The following MALRD1 variants were observed in gnomAD, a reference collection of about 807,000 sequenced individuals.
The protein encoded by MALRD1 is MAM and LDL receptor class A domain containing 1.
A neutral mutation model predicts 242.1 loss-of-function variants in MALRD1; 247 were observed. The observed-to-expected ratio is 1.02, with a 90% confidence interval of 0.92 to 1.13. The LOEUF (loss-of-function observed/expected upper bound fraction) is 1.13. MALRD1 is among the 50% of genes most tolerant of loss of function. MALRD1 has a pLI of 0.00. For missense variants in MALRD1, 2,989 were observed against 2,533.1 expected, an observed-to-expected ratio of 1.18 and a Z score of -3.86; for synonymous variants, 995 against 866.6, an observed-to-expected ratio of 1.15 and a Z score of -2.60.
At chr10:19,520,483 G>A (rs1833829952) in intron 31 of MALRD1, among the ~76,000 whole-genome samples, 1 of 152,062 alleles carries the variant, frequency 6.6e-6, no homozygotes, top group African/African-American at 2.4e-5. Context: ...AGAAATACAA[G>A]TATTCTACTC....
At chr10:19,487,800 C>A (rs1228448877) in intron 29 of MALRD1, among the ~76,000 whole-genome samples, 1 of 151,990 alleles carries the variant, frequency 6.6e-6, no homozygotes, top group African/African-American at 2.4e-5. Flanking sequence ...ATAATTGGAC[C>A]ATTTGCTGTT....
intron 31 of MALRD1, among the ~76,000 whole-genome samples, chr10:19,517,429 C>G (rs1833684123): frequency 6.6e-6 from 1 of 152,166 alleles, no homozygotes; most frequent in Admixed American, 6.5e-5. Context: ...AAAATACACA[C>G]AAGGAGGACC....
intron 14 of MALRD1, among the ~76,000 whole-genome samples, chr10:19,181,578 G>C (rs555571851): frequency 6.6e-6 from 1 of 152,076 alleles, no homozygotes; most frequent in Non-Finnish European, 1.5e-5. Context: ...TATGTAGATC[G>C]GAGGATACGA....
intron 25 of MALRD1, among the ~76,000 whole-genome samples, chr10:19,348,875 T>C (rs112135913): frequency 9.2e-5 from 14 of 152,330 alleles, no homozygotes; most frequent in African/African-American, 7.2e-5. Context: ...ATGCAGTCTG[T>C]AATTTCTGAA....
chr10:19,261,498 A>G (rs1412699853), intron 19 of MALRD1, among the ~76,000 whole-genome samples: 1 of 148,410 alleles, frequency 6.7e-6, no homozygotes, highest in South Asian at 2.1e-4. Context: ...TTTTTTTTTC[A>G]TAGCATCATG....
intron 29 of MALRD1, among the ~76,000 whole-genome samples, chr10:19,462,044 G>C (rs187848399): frequency 6.6e-6 from 1 of 152,286 alleles, no homozygotes; most frequent in African/African-American, 2.4e-5. Flanking sequence ...GGATACATTA[G>C]ACAAACATGC....
rs11009032 is a variant in MALRD1, at chr10:19,230,900, A to G, written c.2991+21220A>G. Among the ~76,000 whole-genome samples, 432 of 152,314 alleles carry G rather than the reference A, an allele frequency of 2.8e-3. 1 individual carries two copies. The highest frequency in any genetic ancestry group is 0.01 in the African/African-American group (418 of 41,564). ...TTTAATTTCTTTTGCTTAACCAAATAGATTATGTAGTTTTGATTAACTGGC... is the reference window on the plus strand; with the variant it reads ...TTTAATTTCTTTTGCTTAACCAAATGGATTATGTAGTTTTGATTAACTGGC... On this transcript the variant is annotated intron_variant, in intron 18 of 39. Coordinates refer to ENST00000454679, the MANE Select transcript of MALRD1 (RefSeq NM_001142308.3).
Position 19,323,817 on chromosome 10 carries a change from G to A in MALRD1, c.3420-132G>A. 4 of 708,972 alleles carry A rather than the reference G, an allele frequency of 5.6e-6. No homozygotes were observed. In the Admixed American group the frequency reaches 8.6e-5, roughly 15 times the overall value. The allele number at this position is 708,972 out of a possible 1,614,324, so 43.9% of individuals were successfully genotyped here. ...GTAGAGACGGTGTTTCATCATGGTAGCCAGGCTGGTCTCGAACTCCTGACT... is the reference window on the plus strand; with the variant it reads ...GTAGAGACGGTGTTTCATCATGGTAACCAGGCTGGTCTCGAACTCCTGACT... On this transcript the variant is annotated intron_variant, in intron 21 of 39. Transcript: ENST00000454679.
chr10:19,454,739 C>T (rs1314747678), intron 29 of MALRD1, among the ~76,000 whole-genome samples: 2 of 151,314 alleles, frequency 1.3e-5, no homozygotes, highest in African/African-American at 2.4e-5. Context: ...CACACACACA[C>T]ACACACACAC....
chr10:19,412,778 C>G (rs1833329459), intron 28 of MALRD1, among the ~76,000 whole-genome samples: 1 of 152,140 alleles, frequency 6.6e-6, no homozygotes, highest in Admixed American at 6.5e-5. Context: ...TGCTCCTGAG[C>G]TTGTGTCTTG....
intron 36 of MALRD1, among the ~76,000 whole-genome samples, chr10:19,644,313 C>T (rs1267453184): frequency 1.3e-5 from 2 of 152,176 alleles, no homozygotes; most frequent in South Asian, 2.1e-4. Flanking sequence ...TCTTCCTGAG[C>T]TCATTTTAGA....
At chr10:19,470,227 T>A (rs969161122) in intron 29 of MALRD1, among the ~76,000 whole-genome samples, 3 of 152,044 alleles carry the variant, frequency 2.0e-5, no homozygotes, top group Admixed American at 2.0e-4. Context: ...ATATTTCACT[T>A]AGCTAATACC....
chr10:19,137,067 AG>A (rs1246704089), intron 10 of MALRD1, among the ~76,000 whole-genome samples: 1 of 152,206 alleles, frequency 6.6e-6, no homozygotes, highest in African/African-American at 2.4e-5. Flanking sequence ...CTTTGATTAA[AG>A]AGAAGATGGG....
At position 19,131,695 on chromosome 10, in the gene MALRD1, A is replaced by G. The variant is rs185736715; in HGVS notation, c.1111-2161A>G. ...CCTTGATTTCTTCACTGGAAGAGAA[A>G]AGCATAGACTGGCATCTCTAAGAGA... On this transcript the variant is annotated intron_variant, in intron 8 of 39. Coordinates refer to ENST00000454679, the MANE Select transcript of MALRD1 (RefSeq NM_001142308.3). Among the ~76,000 whole-genome samples, 206 of 152,334 alleles carry G rather than the reference A, an allele frequency of 1.4e-3. 3 individuals are homozygous for G. The highest frequency in any genetic ancestry group is 0.01 in the Middle Eastern group (3 of 294).
intron 10 of MALRD1, among the ~76,000 whole-genome samples, chr10:19,140,218 T>A (rs966550778): frequency 6.6e-6 from 1 of 152,200 alleles, no homozygotes; most frequent in Admixed American, 6.5e-5. Context: ...TAAAATATTT[T>A]GCTTTTCATG....
intron 26 of MALRD1, among the ~76,000 whole-genome samples, chr10:19,381,346 T>C (rs1196696619): frequency 6.6e-6 from 1 of 151,746 alleles, no homozygotes; most frequent in Non-Finnish European, 1.5e-5. Context: ...TCTTTGCTAT[T>C]GTGAATAATG....
At chr10:19,531,003 T>C (rs7100242) in intron 31 of MALRD1, among the ~76,000 whole-genome samples, 191 bp from the exon 32 acceptor site, 106,494 of 152,156 alleles carry the variant, frequency 0.7, 40,682 homozygotes, top group Non-Finnish European at 0.84. Flanking sequence ...GTGAATCACA[T>C]GATCATAGTG....
At chr10:19,618,663 C>T (rs1839273381) in intron 36 of MALRD1, among the ~76,000 whole-genome samples, 1 of 152,192 alleles carries the variant, frequency 6.6e-6, no homozygotes. Context: ...GTCTTTTGCT[C>T]ACTTTTCAAT....
In MALRD1 at chr10:19,051,921, CAAAAAAAAAAAAAAA is replaced by C. The variant is rs1178410946; in HGVS notation, c.199+2801_199+2815del. 54 of 62,734 alleles carry C rather than the reference CAAAAAAAAAAAAAAA, an allele frequency of 8.6e-4. 1 individual carries two copies. The highest frequency in any genetic ancestry group is 3.8e-3 in the African/African-American group (47 of 12,354). The allele number at this position is 62,734 out of a possible 1,614,324, so 3.9% of individuals were successfully genotyped here. A position where few individuals can be genotyped will look rare whatever the true frequency, so the allele number is the denominator to read the frequency against. On this transcript the variant is annotated intron_variant, in intron 1 of 39. Coordinates refer to ENST00000454679, the MANE Select transcript of MALRD1 (RefSeq NM_001142308.3). ...TGGGCGACAGAGCGAGACTCCGTCT[CAAAAAAAAAAAAAAA>C]AAAAAAAAAAAAAAAAGGAAAGCCA...
Sources: gnomAD v4.1 joint callset for allele counts (sites outside exome capture counted in the v4.1 genomes callset) on GRCh38, gnomAD v4.1.1 for gene constraint, MANE v1.5 for transcripts, NCBI Gene and HGNC (gene_info 2026-07-23, HGNC 2026-07-21) for gene names.